The following BAZ2B variants were observed in gnomAD, a reference collection of about 807,000 sequenced individuals.
BAZ2B encodes the protein bromodomain adjacent to zinc finger domain 2B.
Under a neutral mutation model 246.0 loss-of-function variants are expected in BAZ2B, and 91 were observed. The ratio of observed to expected loss-of-function variants is 0.37; its 90% CI spans 0.31 to 0.44. The LOEUF is 0.44. Among genes scored for constraint, BAZ2B ranks in the 20% least tolerant of loss-of-function variants. BAZ2B has a pLI of 1.00. For synonymous variants in BAZ2B, 855 were observed against 860.0 expected, an observed-to-expected ratio of 0.99 and a Z score of 0.10; for missense variants, 2,332 against 2,533.7, an observed-to-expected ratio of 0.92 and a Z score of 1.71.
chr2:159,596,140 G>A (rs1302610656), intron 1 of BAZ2B, among the ~76,000 whole-genome samples: 2 of 152,256 alleles, frequency 1.3e-5, no homozygotes, highest in East Asian at 1.9e-4. Flanking sequence ...CCTAAAGAAC[G>A]GATTCTTGTG....
chr2:159,435,256 G>T (rs1262332888), intron 8 of BAZ2B: 1 of 151,794 alleles, frequency 6.6e-6, no homozygotes, highest in Non-Finnish European at 1.5e-5. Flanking sequence ...GCACGATCTT[G>T]GCTCGCAGCA....
chr2:159,478,183 A>G (rs1449216986), intron 3 of BAZ2B, among the ~76,000 whole-genome samples: 1 of 152,186 alleles, frequency 6.6e-6, no homozygotes, highest in African/African-American at 2.4e-5. Flanking sequence ...CTGCCTTAGT[A>G]TACATCTGTG....
intron 1 of BAZ2B, among the ~76,000 whole-genome samples, chr2:159,560,710 T>C (rs2151496549): frequency 6.6e-6 from 1 of 152,158 alleles, no homozygotes; most frequent in Middle Eastern, 3.4e-3. Context: ...GTACTTTTAG[T>C]AGAGACGGGA....
intron 27 of BAZ2B, among the ~76,000 whole-genome samples, chr2:159,363,646 T>C (rs999480720): frequency 3.3e-5 from 5 of 152,122 alleles, no homozygotes; most frequent in Admixed American, 2.6e-4. Flanking sequence ...GCAATCTCCC[T>C]CACACCAATA....
the BAZ2B span, among the ~76,000 whole-genome samples, chr2:159,662,220 C>T: frequency 6.6e-6 from 1 of 152,186 alleles, no homozygotes; most frequent in Non-Finnish European, 1.5e-5. Context: ...GATTATACCA[C>T]AATTTGCTTA....
chr2:159,580,695 A>G (rs1686544827), intron 1 of BAZ2B, among the ~76,000 whole-genome samples: 1 of 152,228 alleles, frequency 6.6e-6, no homozygotes, highest in Admixed American at 6.5e-5. Flanking sequence ...CCAAAACAGC[A>G]TGGCTACAGT....
At chr2:159,482,049 G>A (rs1226861057) in intron 2 of BAZ2B, among the ~76,000 whole-genome samples, 3 of 151,712 alleles carry the variant, frequency 2.0e-5, no homozygotes, top group African/African-American at 4.8e-5. Flanking sequence ...ATTAACATTA[G>A]GGGAAGCTGG....
chr2:159,640,864 C>T, the BAZ2B span, among the ~76,000 whole-genome samples: 112 of 145,194 alleles, frequency 7.7e-4, no homozygotes, highest in East Asian at 0.02. Context: ...AAATCAAATC[C>T]AAGATTAGTA....
intron 2 of BAZ2B, among the ~76,000 whole-genome samples, chr2:159,533,435 T>C (rs939151258): frequency 8.5e-5 from 13 of 152,140 alleles, no homozygotes; most frequent in Non-Finnish European, 4.4e-5. Context: ...GAGGTTTGGT[T>C]TTCCAAAATG....
At chr2:159,557,390 A>G (rs1035389783) in intron 1 of BAZ2B, among the ~76,000 whole-genome samples, 2 of 151,920 alleles carry the variant, frequency 1.3e-5, no homozygotes, top group Non-Finnish European at 2.9e-5. Flanking sequence ...TAAAACCCAC[A>G]ATACTTATTA....
At chr2:159,346,617 AAGTGGAGGTT>A (rs2067868930) in intron 31 of BAZ2B, among the ~76,000 whole-genome samples, 1 of 152,190 alleles carries the variant, frequency 6.6e-6, no homozygotes, top group East Asian at 1.9e-4. Context: ...TTGAACCTGG[AAGTGGAGGTT>A]GCAGTAAGCC....
At chr2:159,497,663 G>T (rs1200160338) in intron 2 of BAZ2B, among the ~76,000 whole-genome samples, 1 of 152,070 alleles carries the variant, frequency 6.6e-6, no homozygotes, top group Non-Finnish European at 1.5e-5. Flanking sequence ...TTAAGGCTGG[G>T]GGCCTAAGTA....
the BAZ2B span, among the ~76,000 whole-genome samples, chr2:159,700,863 G>A: frequency 2.0e-5 from 3 of 152,072 alleles, no homozygotes; most frequent in South Asian, 2.1e-4. Context: ...CCATTTAGCA[G>A]AATCTTTTTA....
the BAZ2B span, among the ~76,000 whole-genome samples, chr2:159,685,719 A>G: frequency 6.6e-6 from 1 of 152,214 alleles, no homozygotes; most frequent in Non-Finnish European, 1.5e-5. Flanking sequence ...TACACTATAC[A>G]TAATGCCATA....
At chr2:159,563,448 T>C (rs2090072038) in intron 1 of BAZ2B, among the ~76,000 whole-genome samples, 1 of 152,140 alleles carries the variant, frequency 6.6e-6, no homozygotes, top group African/African-American at 2.4e-5. Context: ...GAAAGAGGAG[T>C]GTAAGGCATA....
chr2:159,401,711 T>C (rs1403186298), intron 16 of BAZ2B, among the ~76,000 whole-genome samples: 2 of 152,158 alleles, frequency 1.3e-5, no homozygotes, highest in Non-Finnish European at 2.9e-5. Flanking sequence ...AACTTAGTGA[T>C]CATATAAATT....
At chr2:159,518,461 T>C (rs1246680590) in intron 2 of BAZ2B, among the ~76,000 whole-genome samples, 2 of 152,288 alleles carry the variant, frequency 1.3e-5, no homozygotes, top group East Asian at 3.9e-4. Flanking sequence ...TGAATTCCCC[T>C]GTACTCTGGA....
chr2:159,564,054 C>T (rs902381448), intron 1 of BAZ2B, among the ~76,000 whole-genome samples: 2 of 152,172 alleles, frequency 1.3e-5, no homozygotes, highest in Non-Finnish European at 2.9e-5. Context: ...TAGAGACCTA[C>T]AAAATCATTT....
At chr2:159,593,718 T>C (rs77993884) in intron 1 of BAZ2B, among the ~76,000 whole-genome samples, 2,793 of 152,294 alleles carry the variant, frequency 0.018, 49 homozygotes, top group East Asian at 0.085. Flanking sequence ...TACCTGCCTG[T>C]TAGTCACCTA....
Sources: gnomAD v4.1 joint callset for allele counts (sites outside exome capture counted in the v4.1 genomes callset) on GRCh38, gnomAD v4.1.1 for gene constraint, MANE v1.5 for transcripts, NCBI Gene and HGNC (gene_info 2026-07-23, HGNC 2026-07-21) for gene names.